The following NUFIP2 variants were observed in gnomAD, a reference collection of about 807,000 sequenced individuals.
NUFIP2 encodes the protein FMR1-interacting protein NUFIP2.
In NUFIP2, 6 loss-of-function variants were observed where a neutral mutation model predicts 56.9. That is an observed-to-expected ratio of 0.11 (90% CI 0.06 to 0.21). NUFIP2 has a LOEUF of 0.21. Ranked by LOEUF, NUFIP2 falls within the 10% of genes least tolerant of loss-of-function variation. The pLI, the probability that NUFIP2 is intolerant of heterozygous loss-of-function variation, is 1.00. For synonymous variants in NUFIP2, 321 were observed against 298.2 expected, an observed-to-expected ratio of 1.08 and a Z score of -0.79; for missense variants, 828 against 826.8, an observed-to-expected ratio of 1.00 and a Z score of -0.02.
intron 2 of NUFIP2, among the ~76,000 whole-genome samples, chr17:29,283,710 G>A (rs1239687215): frequency 6.6e-6 from 1 of 152,132 alleles, no homozygotes; most frequent in East Asian, 1.9e-4. Flanking sequence ...GAGGGCAGAC[G>A]GCACAGAAAA....
chr17:29,262,502 C>T lies in NUFIP2; in HGVS notation c.*2037G>A, dbSNP rs2069009344. 6.6e-6 allele frequency: 1 copy of T among 152,344 alleles called. No homozygotes were observed. The allele number at this position is 152,344 out of a possible 1,614,324, so 9.4% of individuals were successfully genotyped here. A position where few individuals can be genotyped will look rare whatever the true frequency, so the allele number is the denominator to read the frequency against. On this transcript the variant is annotated 3_prime_UTR_variant, in exon 4 of 4. Transcript: ENST00000225388. ...TAAAGCTCAAGGATGCCTCTGCTTTCAATTGTACATGGGCCTGAAGCATCC... is the reference window on the plus strand; with the variant it reads ...TAAAGCTCAAGGATGCCTCTGCTTTTAATTGTACATGGGCCTGAAGCATCC...
chr17:29,269,833 G>A (rs1342513475), intron 2 of NUFIP2, among the ~76,000 whole-genome samples: 1 of 151,958 alleles, frequency 6.6e-6, no homozygotes, highest in Non-Finnish European at 1.5e-5. Context: ...CCATTCTCTT[G>A]CCTCAGCTTC....
In NUFIP2 at chr17:29,270,475, G is replaced by C. The variant is rs1039071854; in HGVS notation, c.2003-2945C>G. The stretch of plus-strand genomic sequence containing the variant: ...TTACGAATTTCTGGATTTCAGAATG[G>C]CCTATTTTTTAAAAGTCCAAATACA... On this transcript the variant is annotated intron_variant, in intron 2 of 3. Transcript: ENST00000225388. Among the ~76,000 whole-genome samples, 6 of 151,800 alleles carry C rather than the reference G, an allele frequency of 4.0e-5. 1 individual carries two copies. Among genetic ancestry groups the C allele is most frequent in the African/African-American group, 1.5e-4 (6 of 41,318 alleles).
intron 2 of NUFIP2, among the ~76,000 whole-genome samples, chr17:29,267,776 C>T (rs1305209480): frequency 6.6e-6 from 1 of 152,200 alleles, no homozygotes; most frequent in Non-Finnish European, 1.5e-5. Flanking sequence ...TATCCTCCCA[C>T]CTCAGCCTCT....
rs1365729111 is a variant in NUFIP2, at chr17:29,293,907, GTGA to G, written c.150_152del (p.His51del). 3.7e-6 allele frequency: 6 copies of G among 1,613,920 alleles called. No individual in the cohort carries two copies. The highest frequency in any genetic ancestry group is 2.2e-5 in the East Asian group (1 of 44,884). The stretch of plus-strand genomic sequence containing the variant: ...GCTGCAGGTATTGGTGAGGCTGCTG[GTGA>G]TGATGGTGGTGGTGGTGGTTGTGGC... On this transcript the variant is annotated inframe_deletion, in exon 1 of 4. Coordinates refer to ENST00000225388, the MANE Select transcript of NUFIP2 (RefSeq NM_020772.3).
chr17:29,258,542 T>C lies in NUFIP2; in HGVS notation c.*5997A>G, dbSNP rs1297211353. ...TTTAAGCCATTCTTCCCAATTCCTC[T>C]TTCTGAGGCAGAGAGAGGGAATAAT... On this transcript the variant is annotated 3_prime_UTR_variant, in exon 4 of 4. Coordinates refer to ENST00000225388, the MANE Select transcript of NUFIP2 (RefSeq NM_020772.3). 1 of 152,190 alleles carries C rather than the reference T, an allele frequency of 6.6e-6. No individual in the cohort carries two copies. Among genetic ancestry groups the C allele is most frequent in the Non-Finnish European group, 1.5e-5 (1 of 68,024 alleles). The allele number at this position is 152,190 out of a possible 1,614,324, so 9.4% of individuals were successfully genotyped here. A position where few individuals can be genotyped will look rare whatever the true frequency, so the allele number is the denominator to read the frequency against.
chr17:29,293,668 G>T (rs1281896906), intron 1 of NUFIP2, 115 bp downstream of exon 1: 13 of 1,123,450 alleles, frequency 1.2e-5, no homozygotes, highest in Admixed American at 9.1e-5. Context: ...AGAGCCGGAG[G>T]GGACACACAC....
intron 1 of NUFIP2, among the ~76,000 whole-genome samples, chr17:29,291,609 C>G (rs797975): frequency 0.65 from 98,281 of 152,046 alleles, 32,212 homozygotes; most frequent in East Asian, 0.87. Flanking sequence ...AATGGTTCAG[C>G]GGTTGCTTCC....
intron 2 of NUFIP2, among the ~76,000 whole-genome samples, chr17:29,282,622 T>A (rs1326735206): frequency 6.6e-6 from 1 of 151,840 alleles, no homozygotes; most frequent in African/African-American, 2.4e-5. Flanking sequence ...AGTGCACCAT[T>A]CTTAAAGAAG....
chr17:29,280,005 A>C (rs1233090818), intron 2 of NUFIP2, among the ~76,000 whole-genome samples: 7 of 151,876 alleles, frequency 4.6e-5, no homozygotes, highest in African/African-American at 9.7e-5. Flanking sequence ...TTTCATAGAG[A>C]TGGGGTTTCG....
intron 1 of NUFIP2, among the ~76,000 whole-genome samples, chr17:29,293,191 C>A (rs1294462093): frequency 6.6e-6 from 1 of 151,466 alleles, no homozygotes; most frequent in Admixed American, 6.6e-5. Flanking sequence ...CCAAAAAGGG[C>A]GTTTAGTGGT....
At chr17:29,267,049 G>A (rs1286769739) in intron 3 of NUFIP2, among the ~76,000 whole-genome samples, 8 of 151,392 alleles carry the variant, frequency 5.3e-5, no homozygotes, top group East Asian at 1.9e-4. Context: ...AATTACAGGC[G>A]CCTGCCACCA....
intron 1 of NUFIP2, among the ~76,000 whole-genome samples, chr17:29,292,828 G>A (rs544899016): frequency 0.031 from 4,586 of 146,188 alleles, 105 homozygotes; most frequent in Non-Finnish European, 0.047. Context: ...CTCACCCCAG[G>A]GACCCGCCCG....
At chr17:29,274,025 G>A (rs1233527075) in intron 2 of NUFIP2, among the ~76,000 whole-genome samples, 2 of 152,010 alleles carry the variant, frequency 1.3e-5, no homozygotes, top group African/African-American at 4.8e-5. Context: ...AAACCAAAGA[G>A]TCTGCCCTCT....
intron 3 of NUFIP2, among the ~76,000 whole-genome samples, chr17:29,265,980 CTTTT>C (rs903506867): frequency 2.0e-5 from 3 of 151,962 alleles, no homozygotes; most frequent in Non-Finnish European, 1.5e-5. Flanking sequence ...TTTTCTTTTC[CTTTT>C]TTTCAGACGA....
chr17:29,290,558 A>C (rs1435016205), intron 1 of NUFIP2, among the ~76,000 whole-genome samples: 3 of 151,322 alleles, frequency 2.0e-5, no homozygotes, highest in Admixed American at 2.0e-4. Context: ...CTGAGACAGG[A>C]GATTCGCTTG....
intron 2 of NUFIP2, among the ~76,000 whole-genome samples, chr17:29,282,312 T>G (rs1482836711): frequency 6.6e-6 from 1 of 151,730 alleles, no homozygotes; most frequent in Non-Finnish European, 1.5e-5. Flanking sequence ...ATCCCAGCAC[T>G]TTGGGAGGCC....
rs529107268 is a variant in NUFIP2, at chr17:29,272,287, C to T, written c.2003-4757G>A. ...CAAGAGTCTTGCTCTGTCACCCAGG[C>T]TGGAGTGCAGTGGCGCTATCTCGGC... On this transcript the variant is annotated intron_variant, in intron 2 of 3. Coordinates refer to ENST00000225388, the MANE Select transcript of NUFIP2 (RefSeq NM_020772.3). Among the ~76,000 whole-genome samples, 18 of 144,566 alleles carry T rather than the reference C, an allele frequency of 1.2e-4. No individual in the cohort carries two copies. In the Middle Eastern group the frequency reaches 0.016, roughly 130 times the overall value. The allele number at this position is 144,566 out of a possible 152,430, so 94.8% of individuals were successfully genotyped here. A position where few individuals can be genotyped will look rare whatever the true frequency, so the allele number is the denominator to read the frequency against.
intron 2 of NUFIP2, among the ~76,000 whole-genome samples, chr17:29,275,484 A>G (rs919104535): frequency 9.2e-5 from 14 of 152,216 alleles, no homozygotes; most frequent in Non-Finnish European, 1.8e-4. Context: ...AAGAGTGGGT[A>G]GAGTCAAGGA....
Sources: allele counts gnomAD v4.1 joint callset (sites outside exome capture counted in the v4.1 genomes callset), GRCh38; gene constraint gnomAD v4.1.1; transcripts MANE v1.5; gene names NCBI Gene and HGNC (gene_info 2026-07-23, HGNC 2026-07-21).